AFF3: variants seen among roughly 807,000 people sequenced by gnomAD.
AFF3 encodes the protein ALF transcription elongation factor 3, also known as AF4/FMR2 family member 3.
A neutral mutation model predicts 129.7 loss-of-function variants in AFF3; 32 were observed. The observed-to-expected ratio is 0.25, with a 90% CI of 0.19 to 0.33. AFF3 has a LOEUF of 0.33. Ranked by LOEUF, AFF3 falls within the 10% of genes least tolerant of loss-of-function variation. The probability of loss-of-function intolerance (pLI) is 1.00; values close to 1 mark genes in which losing one functional copy is unlikely to be tolerated. For missense variants in AFF3, 1,373 were observed against 1,592.0 expected, an observed-to-expected ratio of 0.86 and a Z score of 2.34; for synonymous variants, 644 against 635.4, an observed-to-expected ratio of 1.01 and a Z score of -0.20.
intron 11 of AFF3, 110 bp from the exon 12 acceptor site, chr2:99,672,699 A>G (rs1273647570): frequency 1.9e-6 from 2 of 1,047,884 alleles, no homozygotes; most frequent in Non-Finnish European, 2.8e-6. Context: ...CATTTTGGAA[A>G]TAAGTCTATT....
intron 4 of AFF3, among the ~76,000 whole-genome samples, chr2:100,023,323 G>A (rs1683751719): frequency 6.6e-6 from 1 of 152,170 alleles, no homozygotes; most frequent in African/African-American, 2.4e-5. Context: ...GCCTCAAGGA[G>A]TAGATCAAGC....
rs553410480 is a variant in AFF3 at position 99,807,309 on chromosome 2, G to A, written c.921+30168C>T. ...GTTGCTGCATGGTCTGTTGGCTCCC[G>A]AAGTCTAATAAGATGACAGAATCTG... On this transcript the variant is annotated intron_variant, in intron 8 of 24. Coordinates refer to ENST00000672756, the MANE Select transcript of AFF3 (RefSeq NM_001386135.1). Among the ~76,000 whole-genome samples the A allele has an allele frequency of 3.9e-5, 6 of 152,260 alleles. No individual in the cohort carries two copies. The South Asian group carries it at 1.2e-3, about 32-fold the overall frequency.
chr2:99,627,230 T>C (rs1052432966), intron 13 of AFF3, among the ~76,000 whole-genome samples: 2 of 152,154 alleles, frequency 1.3e-5, no homozygotes, highest in African/African-American at 4.8e-5. Context: ...ACAACCTCGC[T>C]AACATCTGTT....
chr2:99,923,843 G>C (rs1268989550), intron 7 of AFF3, among the ~76,000 whole-genome samples: 1 of 152,042 alleles, frequency 6.6e-6, no homozygotes, highest in Non-Finnish European at 1.5e-5. Flanking sequence ...GAGAGTCACG[G>C]TGTATAATTC....
At chr2:100,039,949 A>G (rs1685285606) in intron 4 of AFF3, among the ~76,000 whole-genome samples, 1 of 152,170 alleles carries the variant, frequency 6.6e-6, no homozygotes. Flanking sequence ...GCCTCAGTGG[A>G]TAAATGTCTG....
At chr2:99,854,435 G>A (rs905031912) in intron 7 of AFF3, among the ~76,000 whole-genome samples, 1 of 152,034 alleles carries the variant, frequency 6.6e-6, no homozygotes, top group African/African-American at 2.4e-5. Context: ...TCTGTCTTTA[G>A]CAACCCTTTA....
chr2:100,035,907 T>G (rs1370924421), intron 4 of AFF3, among the ~76,000 whole-genome samples: 1 of 152,070 alleles, frequency 6.6e-6, no homozygotes, highest in African/African-American at 2.4e-5. Flanking sequence ...TAAAGTCTGT[T>G]ACAATAGTAC....
At chr2:99,981,972 A>T (rs1679444349) in intron 7 of AFF3, among the ~76,000 whole-genome samples, 2 of 152,224 alleles carry the variant, frequency 1.3e-5, no homozygotes, top group African/African-American at 4.8e-5. Flanking sequence ...AGACAAAAGA[A>T]GCCAGTACCT....
Position 100,034,720 on chromosome 2 carries a change from A to G in AFF3, c.54-25788T>C, listed in dbSNP as rs957478297. 1.4e-4 allele frequency among the ~76,000 whole-genome samples: 21 copies of G among 152,292 alleles called. 1 individual carries two copies. Among genetic ancestry groups the G allele is most frequent in the Middle Eastern group, 6.8e-3 (2 of 294 alleles). ...CTGGCTTTTGATCTAGTGCCTATAA[A>G]AAGAGCCCCAGAAAGGTCTACATGG... On this transcript the variant is annotated intron_variant, in intron 4 of 24. Coordinates refer to ENST00000672756, the MANE Select transcript of AFF3 (RefSeq NM_001386135.1).
chr2:99,981,221 T>C (rs535464039), intron 7 of AFF3, among the ~76,000 whole-genome samples: 10 of 152,262 alleles, frequency 6.6e-5, no homozygotes, highest in African/African-American at 2.4e-4. Flanking sequence ...TTTCTCCATG[T>C]TGGGGAGGCT....
chr2:99,982,464 A>G (rs1679498653), intron 7 of AFF3, among the ~76,000 whole-genome samples: 1 of 152,202 alleles, frequency 6.6e-6, no homozygotes, highest in Admixed American at 6.5e-5. Flanking sequence ...TCGTTTTTGG[A>G]AATTGCCCAG....
chr2:99,966,486 C>T (rs993364629), intron 7 of AFF3, among the ~76,000 whole-genome samples: 35 of 151,254 alleles, frequency 2.3e-4, no homozygotes, highest in Admixed American at 1.1e-3. Flanking sequence ...GTCAGGAGAT[C>T]GAGACCATCC....
chr2:99,785,449 A>C (rs1388630230), intron 8 of AFF3, among the ~76,000 whole-genome samples: 2 of 152,138 alleles, frequency 1.3e-5, no homozygotes, highest in East Asian at 3.9e-4. Flanking sequence ...GGTTACAACT[A>C]CCAGAGACAG....
chr2:99,786,425 C>T (rs977420578), intron 8 of AFF3, among the ~76,000 whole-genome samples: 4 of 152,046 alleles, frequency 2.6e-5, no homozygotes, highest in East Asian at 1.9e-4. Flanking sequence ...GGCCATAAAG[C>T]GAAAGGTAGA....
chr2:99,945,762 T>C (rs913241137), intron 7 of AFF3, among the ~76,000 whole-genome samples: 3 of 152,184 alleles, frequency 2.0e-5, no homozygotes, highest in Non-Finnish European at 2.9e-5. Flanking sequence ...AGATGGATAA[T>C]TGATATAGAA....
At chr2:99,722,824 C>A (rs948438103) in intron 11 of AFF3, among the ~76,000 whole-genome samples, 4 of 152,182 alleles carry the variant, frequency 2.6e-5, no homozygotes, top group South Asian at 2.1e-4. Context: ...GCCACTCTGG[C>A]AGCCCTAAAC....
intron 4 of AFF3, among the ~76,000 whole-genome samples, chr2:100,026,625 A>G (rs1394108085): frequency 1.3e-5 from 2 of 151,792 alleles, no homozygotes; most frequent in East Asian, 3.9e-4. Flanking sequence ...ACAATTCACA[A>G]CTGCAAAATC....
intron 7 of AFF3, among the ~76,000 whole-genome samples, chr2:99,935,873 C>G (rs1288704756): frequency 6.6e-6 from 1 of 152,086 alleles, no homozygotes; most frequent in South Asian, 2.1e-4. Context: ...TCAGAGTCCC[C>G]AGCGACATGG....
At chr2:99,691,259 G>C (rs1437104769) in intron 11 of AFF3, among the ~76,000 whole-genome samples, 4 of 152,198 alleles carry the variant, frequency 2.6e-5, no homozygotes, top group Admixed American at 6.5e-5. Flanking sequence ...CGCCCATGTG[G>C]AGGAAAAGGT....
Sources: gnomAD v4.1 joint callset for allele counts (sites outside exome capture counted in the v4.1 genomes callset) on GRCh38, gnomAD v4.1.1 for gene constraint, MANE v1.5 for transcripts, NCBI Gene and HGNC (gene_info 2026-07-23, HGNC 2026-07-21) for gene names.